DACH2: variants seen among roughly 807,000 people sequenced by gnomAD.
The protein encoded by DACH2 is dachshund homolog 2.
In DACH2, 17 loss-of-function variants were observed where a neutral mutation model predicts 35.8. That is an observed-to-expected ratio of 0.48 (90% confidence interval 0.33 to 0.71). The LOEUF (loss-of-function observed/expected upper bound fraction) is 0.71. DACH2 is among the 30% of genes least tolerant of loss of function. The pLI, the probability that DACH2 is intolerant of heterozygous loss-of-function variation, is 0.02. For synonymous variants in DACH2, 195 were observed against 177.3 expected (o/e 1.10, Z -0.79); for missense variants, 469 against 472.7 (o/e 0.99, Z 0.07).
intron 4 of DACH2, among the ~76,000 whole-genome samples, chrX:86,658,678 A>G (rs955794985): frequency 3.6e-5 from 4 of 111,804 alleles, no homozygotes; most frequent in Non-Finnish European, 7.6e-5. Context: ...ATGGCTGTAG[A>G]GAGTTTGTGG....
At chrX:86,377,909 G>A (rs2035992384) in intron 2 of DACH2, among the ~76,000 whole-genome samples, 2 of 110,467 alleles carry the variant, frequency 1.8e-5, no homozygotes, top group South Asian at 7.5e-4. Context: ...GTGACCTGAA[G>A]CAGTGGATGT....
At chrX:86,357,591 G>A (rs1386147806) in intron 1 of DACH2, among the ~76,000 whole-genome samples, 1 of 111,988 alleles carries the variant, frequency 8.9e-6, no homozygotes, top group Non-Finnish European at 1.9e-5. Flanking sequence ...GACATTCTTC[G>A]TGTATTTTAA....
At chrX:86,245,681 C>CA (rs2033266258) in intron 1 of DACH2, among the ~76,000 whole-genome samples, 1 of 111,334 alleles carries the variant, frequency 9.0e-6, no homozygotes, top group Non-Finnish European at 1.9e-5. Context: ...AAATCCCATC[C>CA]AAAAAACAGC....
rs1331798086 is a variant in DACH2, at chrX:86,357,876, TCTC to T, written c.489-18946_489-18944del. 1.3e-4 allele frequency among the ~76,000 whole-genome samples: 15 copies of T among 112,286 alleles called. No homozygotes were observed. The East Asian group carries it at 4.2e-3, about 32-fold the overall frequency. ...GAGACAAAAGTATTTATGACTATCT[TCTC>T]CCATTCATTCTTCAATCAAGGGCTT... On this transcript the variant is annotated intron_variant, in intron 1 of 11. Transcript: ENST00000373125.
chrX:86,490,073 A>C (rs2038073222), intron 2 of DACH2, among the ~76,000 whole-genome samples: 1 of 111,964 alleles, frequency 8.9e-6, no homozygotes, highest in South Asian at 3.6e-4. Context: ...GTCTGCCACC[A>C]TTTGGACGTA....
At chrX:86,590,481 A>G (rs2039629903) in intron 3 of DACH2, among the ~76,000 whole-genome samples, 1 of 112,010 alleles carries the variant, frequency 8.9e-6, no homozygotes, top group African/African-American at 3.2e-5. Flanking sequence ...AGGACATCTT[A>G]GTTGCTTCCA....
chrX:86,687,234 T>G (rs1455559641), intron 4 of DACH2, among the ~76,000 whole-genome samples: 1 of 111,189 alleles, frequency 9.0e-6, no homozygotes, highest in Non-Finnish European at 1.9e-5. Flanking sequence ...CATTTGTTTG[T>G]TTGGTTGGTG....
intron 2 of DACH2, among the ~76,000 whole-genome samples, chrX:86,466,481 G>T (rs2037670544): frequency 9.0e-6 from 1 of 110,540 alleles, no homozygotes; most frequent in Admixed American, 9.6e-5. Flanking sequence ...CGAATCTCAG[G>T]TCTCCCACTT....
At chrX:86,268,127 G>A (rs760527420) in intron 1 of DACH2, among the ~76,000 whole-genome samples, 3 of 112,400 alleles carry the variant, frequency 2.7e-5, no homozygotes, top group African/African-American at 6.4e-5. Context: ...TCAACTTTGC[G>A]TGTGAAAAGA....
intron 5 of DACH2, among the ~76,000 whole-genome samples, chrX:86,703,580 A>T (rs2041171058): frequency 8.9e-6 from 1 of 112,103 alleles, no homozygotes; most frequent in Non-Finnish European, 1.9e-5. Flanking sequence ...ATGTTTCAGG[A>T]TACAAAATCA....
chrX:86,758,795 G>A (rs1926324397), intron 7 of DACH2, among the ~76,000 whole-genome samples: 1 of 112,023 alleles, frequency 8.9e-6, no homozygotes, highest in Admixed American at 9.5e-5. Context: ...TGAGTACATA[G>A]TAGGTACATA....
chrX:86,611,739 T>A (rs2039947302), intron 3 of DACH2, among the ~76,000 whole-genome samples: 1 of 110,881 alleles, frequency 9.0e-6, no homozygotes, highest in Admixed American at 9.6e-5. Context: ...CTCCATGCTG[T>A]TTCTCTCCCA....
chrX:86,464,514 T>C (rs1174966165), intron 2 of DACH2, among the ~76,000 whole-genome samples: 1 of 109,897 alleles, frequency 9.1e-6, no homozygotes, highest in African/African-American at 3.3e-5. Flanking sequence ...CACTAGGGCC[T>C]GTCAGGGGTT....
At chrX:86,616,623 T>C (rs749048226) in intron 3 of DACH2, among the ~76,000 whole-genome samples, 1 of 112,525 alleles carries the variant, frequency 8.9e-6, no homozygotes, top group South Asian at 3.6e-4. Context: ...GCTTGCTTTT[T>C]ACTTGTAAAT....
chrX:86,305,574 A>G (rs1314368525), intron 1 of DACH2, among the ~76,000 whole-genome samples: 1 of 111,541 alleles, frequency 9.0e-6, no homozygotes, highest in Non-Finnish European at 1.9e-5. Flanking sequence ...AAAAACAGAC[A>G]AGTGGGATTT....
chrX:86,763,928 G>GT (rs2041907973), intron 7 of DACH2, among the ~76,000 whole-genome samples: 1 of 111,719 alleles, frequency 9.0e-6, no homozygotes, highest in African/African-American at 3.3e-5. Flanking sequence ...GAGAAGATTA[G>GT]AAAGACATAC....
At chrX:86,658,830 G>A (rs1372974721) in intron 4 of DACH2, among the ~76,000 whole-genome samples, 3 of 111,419 alleles carry the variant, frequency 2.7e-5, no homozygotes, top group Non-Finnish European at 3.8e-5. Context: ...ATTTTTAACT[G>A]CATTGCTTAT....
At chrX:86,565,268 T>A (rs548153705) in intron 3 of DACH2, among the ~76,000 whole-genome samples, 1 of 111,945 alleles carries the variant, frequency 8.9e-6, no homozygotes, top group African/African-American at 3.2e-5. Context: ...ACTTTTTCTA[T>A]TCTTTTACAA....
intron 1 of DACH2, among the ~76,000 whole-genome samples, chrX:86,222,896 A>G (rs2032744695): frequency 3.6e-5 from 4 of 110,976 alleles, no homozygotes; most frequent in African/African-American, 9.8e-5. Flanking sequence ...TACAATTAGT[A>G]AGGGCCAAAG....
Sources: allele counts gnomAD v4.1 joint callset (sites outside exome capture counted in the v4.1 genomes callset), GRCh38; gene constraint gnomAD v4.1.1; transcripts MANE v1.5; gene names NCBI Gene and HGNC (gene_info 2026-07-23, HGNC 2026-07-21).